ZCCHC7: variants seen among roughly 807,000 people sequenced by gnomAD.
The protein encoded by ZCCHC7 is zinc finger CCHC domain-containing protein 7.
In ZCCHC7, 35 loss-of-function variants were observed where a neutral mutation model predicts 52.0. The observed-to-expected ratio is 0.67, with a 90% confidence interval of 0.51 to 0.89. The LOEUF (loss-of-function observed/expected upper bound fraction) is 0.89. ZCCHC7 is among the 40% of genes least tolerant of loss of function. The pLI, the probability that ZCCHC7 is intolerant of heterozygous loss-of-function variation, is 0.00. For synonymous variants in ZCCHC7, 217 were observed against 221.5 expected, an observed-to-expected ratio of 0.98 and a Z score of 0.18; for missense variants, 574 against 649.1, an observed-to-expected ratio of 0.88 and a Z score of 1.26.
At chr9:37,220,611 G>A (rs767002041) in intron 2 of ZCCHC7, among the ~76,000 whole-genome samples, 3 of 152,152 alleles carry the variant, frequency 2.0e-5, no homozygotes, top group Non-Finnish European at 4.4e-5. Context: ...TACTGTGGGA[G>A]TTTGAAAGAG....
At chr9:37,120,305 C>T (rs930765943), upstream of ZCCHC7, among the ~76,000 whole-genome samples, 3 of 152,218 alleles carry the variant, frequency 2.0e-5, no homozygotes, top group African/African-American at 7.2e-5. Context: ...GCATCTCCTT[C>T]GTACGAGTCA....
chr9:37,181,082 T>A (rs776864506), intron 2 of ZCCHC7, among the ~76,000 whole-genome samples: 3 of 152,192 alleles, frequency 2.0e-5, no homozygotes, highest in Non-Finnish European at 4.4e-5. Flanking sequence ...TATTAATTTG[T>A]AATTTTATTT....
intron 2 of ZCCHC7, among the ~76,000 whole-genome samples, chr9:37,156,301 T>G (rs909803513): frequency 2.0e-4 from 31 of 152,254 alleles, no homozygotes; most frequent in African/African-American, 7.5e-4. Context: ...TGACATTAGA[T>G]ATCACATTTC....
At chr9:37,217,727 A>C (rs1824585521) in intron 2 of ZCCHC7, among the ~76,000 whole-genome samples, 1 of 152,202 alleles carries the variant, frequency 6.6e-6, no homozygotes, top group Admixed American at 6.5e-5. Context: ...CTTGTACTTA[A>C]TCTTCATATG....
intron 2 of ZCCHC7, among the ~76,000 whole-genome samples, chr9:37,255,507 C>T (rs923919266): frequency 2.0e-5 from 3 of 152,020 alleles, no homozygotes; most frequent in African/African-American, 7.2e-5. Flanking sequence ...CAGTTTAAAA[C>T]TTAAGAATTG....
chr9:37,279,984 C>G (rs1564222562), intron 2 of ZCCHC7, among the ~76,000 whole-genome samples: 1 of 151,992 alleles, frequency 6.6e-6, no homozygotes, highest in Non-Finnish European at 1.5e-5. Flanking sequence ...GAAACCCTGT[C>G]TCTACTAAAA....
At chr9:37,280,746 G>C (rs1268448289) in intron 2 of ZCCHC7, among the ~76,000 whole-genome samples, 1 of 151,126 alleles carries the variant, frequency 6.6e-6, no homozygotes, top group Non-Finnish European at 1.5e-5. Context: ...TTTTCTCTCT[G>C]TCTCTCTCTC....
At chr9:37,207,342 A>AT (rs564473298) in intron 2 of ZCCHC7, among the ~76,000 whole-genome samples, 3 of 151,484 alleles carry the variant, frequency 2.0e-5, no homozygotes, top group East Asian at 1.9e-4. Context: ...GTCAGTAGTC[A>AT]TTTTTTTTCT....
At chr9:37,281,081 A>G (rs562582749) in intron 2 of ZCCHC7, among the ~76,000 whole-genome samples, 1 of 152,314 alleles carries the variant, frequency 6.6e-6, no homozygotes, top group African/African-American at 2.4e-5. Flanking sequence ...GTTAATATCT[A>G]CTAGAGCTAA....
intron 5 of ZCCHC7, among the ~76,000 whole-genome samples, chr9:37,308,799 T>C (rs1289302541): frequency 6.6e-6 from 1 of 151,656 alleles, no homozygotes; most frequent in Non-Finnish European, 1.5e-5. Context: ...GCCAGCATGG[T>C]GTGAAACCCA....
At chr9:37,144,456 ATAATT>A (rs1170203988) in intron 2 of ZCCHC7, among the ~76,000 whole-genome samples, 1 of 151,996 alleles carries the variant, frequency 6.6e-6, no homozygotes, top group Non-Finnish European at 1.5e-5. Context: ...ACTTCACAAA[ATAATT>A]TAATGTATTT....
intron 2 of ZCCHC7, among the ~76,000 whole-genome samples, chr9:37,152,952 C>G (rs1049219786): frequency 2.6e-5 from 4 of 152,076 alleles, no homozygotes; most frequent in Admixed American, 6.6e-5. Context: ...TCTGTTCTTG[C>G]CCATTCATTC....
intron 2 of ZCCHC7, among the ~76,000 whole-genome samples, chr9:37,288,801 C>T (rs1415526566): frequency 1.3e-5 from 2 of 152,170 alleles, no homozygotes; most frequent in Non-Finnish European, 2.9e-5. Flanking sequence ...TTTCCTCTCA[C>T]CTCACTGGTT....
At chr9:37,143,835 T>C (rs1317792380) in intron 2 of ZCCHC7, among the ~76,000 whole-genome samples, 3 of 151,868 alleles carry the variant, frequency 2.0e-5, no homozygotes, top group Non-Finnish European at 4.4e-5. Flanking sequence ...AGTGAAGTAA[T>C]TTTTTGATTA....
At chr9:37,240,020 C>T (rs1825812882) in intron 2 of ZCCHC7, among the ~76,000 whole-genome samples, 1 of 151,880 alleles carries the variant, frequency 6.6e-6, no homozygotes. Flanking sequence ...ATTTATGTAG[C>T]AAAATGATGT....
chr9:37,345,668 C>T (rs1304169329), intron 6 of ZCCHC7, among the ~76,000 whole-genome samples: 1 of 150,790 alleles, frequency 6.6e-6, no homozygotes, highest in Non-Finnish European at 1.5e-5. Context: ...TGCAGTGAGC[C>T]GAGATCGTGC....
chr9:37,351,547 T>A (rs1564273673), intron 7 of ZCCHC7, among the ~76,000 whole-genome samples: 1 of 152,114 alleles, frequency 6.6e-6, no homozygotes, highest in Non-Finnish European at 1.5e-5. Context: ...CCTCAAGCAA[T>A]CCTCCCTCCT....
chr9:37,197,736 C>G (rs1823363539), intron 2 of ZCCHC7, among the ~76,000 whole-genome samples: 1 of 151,942 alleles, frequency 6.6e-6, no homozygotes, highest in Admixed American at 6.6e-5. Flanking sequence ...TTGCACTATT[C>G]TGGATTTGAT....
chr9:37,280,962 C>G (rs1215826038), intron 2 of ZCCHC7, among the ~76,000 whole-genome samples: 1 of 152,026 alleles, frequency 6.6e-6, no homozygotes, highest in Non-Finnish European at 1.5e-5. Context: ...AGATGTAATA[C>G]ATATGGCAAC....
Sources: gnomAD v4.1 joint callset for allele counts (sites outside exome capture counted in the v4.1 genomes callset) on GRCh38, gnomAD v4.1.1 for gene constraint, MANE v1.5 for transcripts, NCBI Gene and HGNC (gene_info 2026-07-23, HGNC 2026-07-21) for gene names.